The following INVS variants were observed in gnomAD, a reference collection of about 807,000 sequenced individuals.
The protein encoded by INVS is inversion of embryo turning homolog.
Under a neutral mutation model 108.8 loss-of-function variants are expected in INVS, and 86 were observed. That is an observed-to-expected ratio of 0.79 (90% CI 0.66 to 0.95). The LOEUF (loss-of-function observed/expected upper bound fraction) is 0.95. Among genes scored for constraint, INVS ranks in the 40% least tolerant of loss-of-function variants. The pLI is 0.00. For synonymous variants in INVS, 455 were observed against 473.5 expected, an observed-to-expected ratio of 0.96 and a Z score of 0.51; for missense variants, 1,169 against 1,297.4, an observed-to-expected ratio of 0.90 and a Z score of 1.52.
At chr9:100,100,639 T>A (rs979210513) in intron 1 of INVS, among the ~76,000 whole-genome samples, 933 of 53,362 alleles carry the variant, frequency 0.017, 53 homozygotes, top group African/African-American at 0.025. Flanking sequence ...ATATATATAT[T>A]ATATATGTAT....
rs1454390448 is a variant in INVS, at chr9:100,248,114, G to A, written c.1078+1327G>A. On this transcript the variant is annotated intron_variant, in intron 8 of 16. Coordinates refer to ENST00000262457, the MANE Select transcript of INVS (RefSeq NM_014425.5). ...GTTACAGGTGTGAGCCACCGTGCCC[G>A]GCCAGCAGATCTTAAATTTCTTAAG... 5.9e-5 allele frequency among the ~76,000 whole-genome samples: 9 copies of A among 152,140 alleles called. No homozygotes were observed. The South Asian group carries it at 1.2e-3, about 21-fold the overall frequency.
intron 12 of INVS, among the ~76,000 whole-genome samples, chr9:100,274,933 A>C (rs1833071582): frequency 6.6e-6 from 1 of 152,254 alleles, no homozygotes; most frequent in African/African-American, 2.4e-5. Flanking sequence ...TAATCATTAA[A>C]AGTAATAATA....
chr9:100,131,943 C>T, intron 3 of INVS: 1 of 970,432 alleles, frequency 1.0e-6, no homozygotes, highest in Non-Finnish European at 1.2e-6. Context: ...TTTTCAGGAA[C>T]ACTTATACCA....
At chr9:100,192,063 A>G (rs1830238512) in intron 3 of INVS, among the ~76,000 whole-genome samples, 1 of 152,086 alleles carries the variant, frequency 6.6e-6, no homozygotes, top group African/African-American at 2.4e-5. Flanking sequence ...CATCTGGCTC[A>G]CAGGGTAGAC....
chr9:100,253,370 A>G (rs1310575516), intron 10 of INVS, among the ~76,000 whole-genome samples: 2 of 152,030 alleles, frequency 1.3e-5, no homozygotes, highest in Non-Finnish European at 2.9e-5. Flanking sequence ...AAAAGATTAC[A>G]TGGCATACAC....
chr9:100,255,462 T>C (rs1218605064), intron 10 of INVS, among the ~76,000 whole-genome samples: 1 of 151,910 alleles, frequency 6.6e-6, no homozygotes, highest in Non-Finnish European at 1.5e-5. Context: ...TGAATAGGAG[T>C]GGTGAGAGAG....
At chr9:100,129,325 C>T (rs1011668664) in intron 3 of INVS, among the ~76,000 whole-genome samples, 1 of 151,730 alleles carries the variant, frequency 6.6e-6, no homozygotes, top group Non-Finnish European at 1.5e-5. Flanking sequence ...CTACTAAAAA[C>T]ACACACACAT....
At position 100,199,246 on chromosome 9, in the gene INVS, CCTAT is replaced by C. The variant is rs536810715; in HGVS notation, c.274-26813_274-26810del. Among the ~76,000 whole-genome samples, 340 of 152,252 alleles carry C rather than the reference CCTAT, an allele frequency of 2.2e-3. 1 individual carries two copies. Among genetic ancestry groups the C allele is most frequent in the Middle Eastern group, 6.8e-3 (2 of 294 alleles). The stretch of plus-strand genomic sequence containing the variant: ...AATGTTTTTCTATTATTACTTTCAA[CCTAT>C]CTGTGTCTTTATATTTAAAGTGTAT... On this transcript the variant is annotated intron_variant, in intron 3 of 16. Coordinates refer to ENST00000262457, the MANE Select transcript of INVS (RefSeq NM_014425.5).
chr9:100,171,687 C>T (rs894762679), intron 3 of INVS, among the ~76,000 whole-genome samples: 4 of 152,114 alleles, frequency 2.6e-5, no homozygotes, highest in African/African-American at 9.7e-5. Flanking sequence ...GGATTTGCAA[C>T]TAACTCACCA....
rs556521582 is a variant in INVS, at chr9:100,291,768, G to T, written c.2069-558G>T. 2.6e-5 allele frequency among the ~76,000 whole-genome samples: 4 copies of T among 152,232 alleles called. No individual in the cohort carries two copies. The East Asian group carries it at 7.7e-4, about 29-fold the overall frequency. On this transcript the variant is annotated intron_variant, in intron 13 of 16. Coordinates refer to ENST00000262457, the MANE Select transcript of INVS (RefSeq NM_014425.5). Reference sequence around the variant, plus strand: ...AGACTCCTTACCCCATCCAGAACCTGGGCTGAAACAAACTTCCTTGTCATC... The same window carrying T: ...AGACTCCTTACCCCATCCAGAACCTTGGCTGAAACAAACTTCCTTGTCATC...
intron 3 of INVS, among the ~76,000 whole-genome samples, chr9:100,181,267 A>G (rs1252129102): frequency 6.6e-6 from 1 of 152,190 alleles, no homozygotes; most frequent in African/African-American, 2.4e-5. Context: ...AGTTCTGGCC[A>G]GGGCAATCAG....
In INVS at chr9:100,301,451, A is replaced by G. The variant is rs1378910569; in HGVS notation, c.*777A>G. On this transcript the variant is annotated 3_prime_UTR_variant, in exon 17 of 17. Transcript: ENST00000262457. Reference sequence around the variant, plus strand: ...TACAGACCAGACTGTTCATGCAGCAAGGTGCTAACTCAGGCGTCAACGTTC... The same window carrying G: ...TACAGACCAGACTGTTCATGCAGCAGGGTGCTAACTCAGGCGTCAACGTTC... Among the ~76,000 whole-genome samples the G allele has an allele frequency of 6.6e-6, 1 of 152,202 alleles. No individual in the cohort carries two copies. The highest frequency in any genetic ancestry group is 1.5e-5 in the Non-Finnish European group (1 of 68,034).
chr9:100,196,045 G>T (rs1208253514), intron 3 of INVS, among the ~76,000 whole-genome samples: 2 of 152,188 alleles, frequency 1.3e-5, no homozygotes, highest in Non-Finnish European at 2.9e-5. Flanking sequence ...AGTTGAGTAA[G>T]ACTGGTAAGA....
intron 10 of INVS, among the ~76,000 whole-genome samples, chr9:100,259,596 G>A (rs1413297361): frequency 6.7e-6 from 1 of 148,234 alleles, no homozygotes; most frequent in African/African-American, 2.5e-5. Context: ...GGAGCGCAGT[G>A]GTGCAATCTT....
intron 3 of INVS, among the ~76,000 whole-genome samples, chr9:100,152,464 A>C (rs1449233167): frequency 6.6e-6 from 1 of 152,194 alleles, no homozygotes; most frequent in Non-Finnish European, 1.5e-5. Context: ...AAACTTCACT[A>C]ATTTAAAAAG....
chr9:100,205,435 C>G (rs928133525), intron 3 of INVS, among the ~76,000 whole-genome samples: 13 of 151,954 alleles, frequency 8.6e-5, no homozygotes, highest in Admixed American at 2.0e-4. Context: ...TATGTCCATG[C>G]CACAAACCTG....
chr9:100,284,031 G>A (rs1182090238), intron 12 of INVS, among the ~76,000 whole-genome samples: 3 of 152,144 alleles, frequency 2.0e-5, no homozygotes, highest in Admixed American at 2.0e-4. Context: ...ACACCGTTGG[G>A]AGTGTGTTAT....
At chr9:100,248,693 T>A (rs1832125993) in intron 8 of INVS, among the ~76,000 whole-genome samples, 1 of 152,132 alleles carries the variant, frequency 6.6e-6, no homozygotes, top group Admixed American at 6.6e-5. Flanking sequence ...AGCTTCGTGT[T>A]GATCCTTTTG....
chr9:100,121,210 C>T (rs1827718678), intron 2 of INVS, among the ~76,000 whole-genome samples: 1 of 152,078 alleles, frequency 6.6e-6, no homozygotes, highest in South Asian at 2.1e-4. Flanking sequence ...TGAAAGCAAC[C>T]CAAACTAATC....
Sources: gnomAD v4.1 joint callset for allele counts (sites outside exome capture counted in the v4.1 genomes callset) on GRCh38, gnomAD v4.1.1 for gene constraint, MANE v1.5 for transcripts, NCBI Gene and HGNC (gene_info 2026-07-23, HGNC 2026-07-21) for gene names.